ALG14: variants seen among roughly 807,000 people sequenced by gnomAD.
The protein encoded by ALG14 is UDP-N-acetylglucosamine transferase subunit ALG14.
In ALG14, 17 loss-of-function variants were observed where a neutral mutation model predicts 22.8. That is an observed-to-expected ratio of 0.75 (90% CI 0.51 to 1.12). ALG14 has a LOEUF of 1.12. ALG14 is among the 50% of genes most tolerant of loss of function. The pLI, the probability that ALG14 is intolerant of heterozygous loss-of-function variation, is 0.00. For missense variants in ALG14, 288 were observed against 271.8 expected (o/e 1.06, Z -0.42); for synonymous variants, 89 against 103.7 (o/e 0.86, Z 0.86).
In ALG14 at chr1:94,979,129, C is replaced by T. The variant is rs1312000409; in HGVS notation, c.*3947G>A. ...TAAAACCCTGTCTCTACTAAAAATA[C>T]AAAAATTAGCCAGGTGTGGTGGTGC... is the stretch of plus-strand genomic sequence containing the variant. On this transcript the variant is annotated 3_prime_UTR_variant, in exon 4 of 4. Transcript: ENST00000370205. 6.6e-6 allele frequency: 1 copy of T among 151,314 alleles called. No individual in the cohort carries two copies. Among genetic ancestry groups the T allele is most frequent in the Admixed American group, 6.6e-5 (1 of 15,192 alleles). The allele number at this position is 151,314 out of a possible 1,614,324, so 9.4% of individuals were successfully genotyped here.
At chr1:95,051,077 C>T (rs1352549433) in intron 2 of ALG14, among the ~76,000 whole-genome samples, 1 of 152,052 alleles carries the variant, frequency 6.6e-6, no homozygotes, top group Non-Finnish European at 1.5e-5. Flanking sequence ...CCTACCATCA[C>T]CTATACACAG....
intron 3 of ALG14, among the ~76,000 whole-genome samples, chr1:94,998,442 C>A (rs988420717): frequency 6.6e-6 from 1 of 152,168 alleles, no homozygotes; most frequent in Non-Finnish European, 1.5e-5. Flanking sequence ...TGAAAGAAAA[C>A]TGGATAGAGG....
At position 94,974,554 on chromosome 1, in the gene ALG14, C is replaced by T. The variant is rs1672359287; in HGVS notation, c.*8522G>A. 1 of 152,148 alleles carries T rather than the reference C, an allele frequency of 6.6e-6. No individual in the cohort carries two copies. The highest frequency in any genetic ancestry group is 2.1e-4 in the South Asian group (1 of 4,834). The allele number at this position is 152,148 out of a possible 1,614,324, so 9.4% of individuals were successfully genotyped here. Reference sequence around the variant, plus strand: ...GAATCCATTGGTTTCTTTTTCACTGCTGCATGCAGGCCAAGGAGAAAGGAG... The same window carrying T: ...GAATCCATTGGTTTCTTTTTCACTGTTGCATGCAGGCCAAGGAGAAAGGAG... On this transcript the variant is annotated 3_prime_UTR_variant, in exon 4 of 4. Coordinates refer to ENST00000370205, the MANE Select transcript of ALG14 (RefSeq NM_144988.4).
chr1:94,983,229 T>C lies in ALG14; in HGVS notation c.498A>G (p.Lys166=), dbSNP rs777624433. 1.2e-6 allele frequency: 2 copies of C among 1,614,184 alleles called. No homozygotes were observed. The highest frequency in any genetic ancestry group is 1.7e-6 in the Non-Finnish European group (2 of 1,180,028). ...TGCTTTCAACGTAGACAATGATCAC[T>C]TTCTTTATTCCTAGTATCCCAAGGA... ...ALLLGILGIK[K]VIIVYVESIC... is the part of the protein sequence containing the mutation. The change falls in exon 4 of 4, where the codon AAA becomes AAG. Residue 166 remains lysine, a synonymous_variant. Transcript: ENST00000370205.
chr1:95,070,330 C>A (rs1261732140), intron 1 of ALG14, among the ~76,000 whole-genome samples: 1 of 152,230 alleles, frequency 6.6e-6, no homozygotes, highest in Non-Finnish European at 1.5e-5. Flanking sequence ...ATTCAGAACA[C>A]TTTCATATAT....
intron 2 of ALG14, among the ~76,000 whole-genome samples, chr1:95,047,356 T>A (rs556154444): frequency 7.9e-5 from 12 of 152,312 alleles, no homozygotes; most frequent in South Asian, 2.1e-4. Context: ...TTATTTATTT[T>A]TTTTTAGATG....
chr1:94,998,392 G>A (rs1416317666), intron 3 of ALG14, among the ~76,000 whole-genome samples: 1 of 152,090 alleles, frequency 6.6e-6, no homozygotes. Context: ...ACAAAACCAG[G>A]CTCCCTTTGG....
At chr1:95,015,709 C>T (rs745637343) in intron 3 of ALG14, among the ~76,000 whole-genome samples, 24 of 152,070 alleles carry the variant, frequency 1.6e-4, no homozygotes, top group African/African-American at 4.8e-4. Flanking sequence ...TTTTTGGAAG[C>T]GATGGAGTCT....
intron 3 of ALG14, among the ~76,000 whole-genome samples, chr1:95,000,213 TA>T (rs1282516236): frequency 1.3e-5 from 2 of 152,050 alleles, no homozygotes; most frequent in Admixed American, 1.3e-4. Context: ...TTCCAGTTAC[TA>T]AAACAACAAT....
chr1:95,066,837 T>C (rs1036130592), intron 1 of ALG14, among the ~76,000 whole-genome samples: 1 of 151,586 alleles, frequency 6.6e-6, no homozygotes, highest in Non-Finnish European at 1.5e-5. Context: ...CTCCAGCCTG[T>C]GCAACAGAGC....
intron 2 of ALG14, among the ~76,000 whole-genome samples, chr1:95,029,196 G>A (rs962991434): frequency 2.5e-5 from 3 of 117,948 alleles, no homozygotes; most frequent in Non-Finnish European, 5.3e-5. Context: ...CCACTTCCAA[G>A]GTGGCTCACT....
At chr1:95,026,671 G>A (rs1315939668) in intron 3 of ALG14, among the ~76,000 whole-genome samples, 3 of 152,164 alleles carry the variant, frequency 2.0e-5, no homozygotes, top group Admixed American at 6.5e-5. Flanking sequence ...GCTCATGCCT[G>A]TAATCCCAGC....
chr1:95,066,719 T>G (rs541990972), intron 1 of ALG14, among the ~76,000 whole-genome samples: 8 of 152,250 alleles, frequency 5.3e-5, no homozygotes, highest in Non-Finnish European at 1.5e-5. Flanking sequence ...TTTAGTATCT[T>G]TGGTTTAGCC....
chr1:94,979,679 T>C lies in ALG14; in HGVS notation c.*3397A>G, dbSNP rs1672463362. On this transcript the variant is annotated 3_prime_UTR_variant, in exon 4 of 4. Transcript: ENST00000370205. ...TAAAGAAAGAGTGAAAAAGCAAAAA[T>C]GATCCCAAAGTTTGTTGCTTGAGGG... 6.6e-6 allele frequency: 1 copy of C among 152,060 alleles called. No individual in the cohort carries two copies. Among genetic ancestry groups the C allele is most frequent in the Admixed American group, 6.5e-5 (1 of 15,274 alleles). The allele number at this position is 152,060 out of a possible 1,614,324, so 9.4% of individuals were successfully genotyped here.
At chr1:94,997,760 T>C (rs1344998448) in intron 3 of ALG14, among the ~76,000 whole-genome samples, 1 of 152,240 alleles carries the variant, frequency 6.6e-6, no homozygotes, top group African/African-American at 2.4e-5. Context: ...TATTTGCTGC[T>C]TTTTTTATTT....
At chr1:95,012,898 C>T (rs556127422) in intron 3 of ALG14, among the ~76,000 whole-genome samples, 23 of 151,984 alleles carry the variant, frequency 1.5e-4, no homozygotes, top group Non-Finnish European at 2.8e-4. Flanking sequence ...TTTGGGAGGC[C>T]GATGAGGGCG....
intron 2 of ALG14, among the ~76,000 whole-genome samples, chr1:95,053,781 G>T (rs1674832754): frequency 6.6e-6 from 1 of 152,130 alleles, no homozygotes; most frequent in South Asian, 2.1e-4. Flanking sequence ...TAAAGATATA[G>T]AAGATGACTT....
At chr1:94,986,460 T>C (rs1178331178) in intron 3 of ALG14, among the ~76,000 whole-genome samples, 3 of 152,162 alleles carry the variant, frequency 2.0e-5, no homozygotes, top group African/African-American at 7.2e-5. Context: ...TGTGGTTGAC[T>C]GACAGCTTTT....
At chr1:95,054,748 A>T (rs1674873059) in intron 2 of ALG14, among the ~76,000 whole-genome samples, 1 of 152,234 alleles carries the variant, frequency 6.6e-6, no homozygotes, top group Admixed American at 6.5e-5. Context: ...AAACTTAAAA[A>T]TAACCAATTC....
Sources: allele counts gnomAD v4.1 joint callset (sites outside exome capture counted in the v4.1 genomes callset), GRCh38; gene constraint gnomAD v4.1.1; transcripts MANE v1.5; gene names NCBI Gene and HGNC (gene_info 2026-07-23, HGNC 2026-07-21).